The following PXDNL variants were observed in gnomAD, a reference collection of about 807,000 sequenced individuals.
PXDNL encodes probable oxidoreductase PXDNL.
A neutral mutation model predicts 150.8 loss-of-function variants in PXDNL; 145 were observed. That is an observed-to-expected ratio of 0.96 (90% CI 0.84 to 1.10). The LOEUF is 1.10. PXDNL is among the 50% of genes least tolerant of loss of function. PXDNL has a pLI of 0.00. For synonymous variants in PXDNL, 757 were observed against 725.7 expected (o/e 1.04, Z -0.69); for missense variants, 2,087 against 1,873.9 (o/e 1.11, Z -2.10).
At chr8:51,404,954 G>A (rs1244078309) in intron 17 of PXDNL, among the ~76,000 whole-genome samples, 1 of 152,208 alleles carries the variant, frequency 6.6e-6, no homozygotes, top group Admixed American at 6.5e-5. Flanking sequence ...TGGGCTGCAG[G>A]TCCGAGTCCT....
At chr8:51,492,523 C>G (rs1810919614) in intron 5 of PXDNL, among the ~76,000 whole-genome samples, 1 of 152,170 alleles carries the variant, frequency 6.6e-6, no homozygotes, top group Admixed American at 6.5e-5. Context: ...CAGGGAATTC[C>G]CTTTCCTAGT....
At chr8:51,772,819 A>G (rs918106259) in intron 1 of PXDNL, among the ~76,000 whole-genome samples, 1 of 152,224 alleles carries the variant, frequency 6.6e-6, no homozygotes, top group Non-Finnish European at 1.5e-5. Context: ...CAGGGAACCA[A>G]CTACAGGGAG....
intron 1 of PXDNL, among the ~76,000 whole-genome samples, chr8:51,746,210 A>G (rs962761164): frequency 6.6e-6 from 1 of 152,182 alleles, no homozygotes; most frequent in Non-Finnish European, 1.5e-5. Context: ...CTCAAGGGAC[A>G]ATGCCAAAAT....
chr8:51,696,215 A>G (rs1816120959), intron 1 of PXDNL, among the ~76,000 whole-genome samples: 1 of 152,140 alleles, frequency 6.6e-6, no homozygotes, highest in African/African-American at 2.4e-5. Context: ...CTAAACCCCC[A>G]TCTGACTGCA....
chr8:51,366,719 A>C (rs1586039208), intron 19 of PXDNL, among the ~76,000 whole-genome samples: 1 of 152,222 alleles, frequency 6.6e-6, no homozygotes, highest in Non-Finnish European at 1.5e-5. Flanking sequence ...TGGGCAGTGC[A>C]CAGGGAGAAG....
intron 5 of PXDNL, among the ~76,000 whole-genome samples, chr8:51,499,429 C>T (rs1327896844): frequency 1.3e-5 from 2 of 152,196 alleles, no homozygotes; most frequent in Admixed American, 6.5e-5. Flanking sequence ...CCTTGCCTGA[C>T]CCCTGATGTA....
At chr8:51,569,292 A>G (rs1267227523) in intron 3 of PXDNL, among the ~76,000 whole-genome samples, 1 of 151,992 alleles carries the variant, frequency 6.6e-6, no homozygotes. Context: ...AATATGTAAT[A>G]TGCGAATTTC....
At chr8:51,417,700 A>G (rs1808834858) in intron 14 of PXDNL, among the ~76,000 whole-genome samples, 1 of 152,162 alleles carries the variant, frequency 6.6e-6, no homozygotes, top group Admixed American at 6.5e-5. Context: ...GTCTTTCCCT[A>G]TAAAGAGTGA....
At chr8:51,678,216 AC>A (rs1197271859) in intron 1 of PXDNL, among the ~76,000 whole-genome samples, 3 of 152,168 alleles carry the variant, frequency 2.0e-5, no homozygotes, top group Non-Finnish European at 2.9e-5. Context: ...CAAGAACCAA[AC>A]TTGAAGGAGA....
intron 1 of PXDNL, among the ~76,000 whole-genome samples, chr8:51,759,443 A>T (rs1353072875): frequency 6.6e-6 from 1 of 151,882 alleles, no homozygotes; most frequent in African/African-American, 2.4e-5. Context: ...GTATTTAATC[A>T]TTTTCTCTTG....
chr8:51,681,055 C>G (rs1303380375), intron 1 of PXDNL, among the ~76,000 whole-genome samples: 3 of 152,050 alleles, frequency 2.0e-5, no homozygotes, highest in Non-Finnish European at 4.4e-5. Context: ...ACCCCCAGAG[C>G]CAGAAGGGGA....
At chr8:51,722,166 T>C (rs187639209) in intron 1 of PXDNL, 1 of 158,682 alleles carries the variant, frequency 6.3e-6, no homozygotes, top group Non-Finnish European at 1.4e-5. Context: ...TGCTTTCAAA[T>C]TGTTGGAGAG....
chr8:51,740,497 C>T (rs555624886), intron 1 of PXDNL, among the ~76,000 whole-genome samples: 1 of 152,246 alleles, frequency 6.6e-6, no homozygotes, highest in East Asian at 1.9e-4. Flanking sequence ...GCATCTGTTG[C>T]TTCTTGACTT....
Position 51,399,225 on chromosome 8 carries a change from G to C in PXDNL, c.3557+8842C>G, listed in dbSNP as rs141341779. Among the ~76,000 whole-genome samples the C allele has an allele frequency of 8.5e-5, 13 of 152,282 alleles. No individual in the cohort carries two copies. The East Asian group carries it at 2.3e-3, about 27-fold the overall frequency. On this transcript the variant is annotated intron_variant, in intron 17 of 22. Transcript: ENST00000356297. ...TACTAAGTGACCTAGAAATTATACT[G>C]TTAGGTTTTTTATTCAAGAAAAATG...
intron 14 of PXDNL, among the ~76,000 whole-genome samples, chr8:51,417,831 G>A (rs2129683237): frequency 6.6e-6 from 1 of 152,250 alleles, no homozygotes; most frequent in South Asian, 2.1e-4. Flanking sequence ...CAGAGAATCT[G>A]TCTTACTCAT....
chr8:51,636,574 A>G (rs949153733), intron 2 of PXDNL, among the ~76,000 whole-genome samples: 2 of 152,222 alleles, frequency 1.3e-5, no homozygotes, highest in Non-Finnish European at 2.9e-5. Flanking sequence ...AAGAAAATTA[A>G]GAAAACAATT....
intron 14 of PXDNL, among the ~76,000 whole-genome samples, chr8:51,416,936 A>C (rs1336785701): frequency 6.6e-6 from 1 of 152,224 alleles, no homozygotes; most frequent in African/African-American, 2.4e-5. Context: ...TTTTAAGTTT[A>C]TGTGGTTTAA....
chr8:51,567,680 T>C (rs1812855908), intron 3 of PXDNL, among the ~76,000 whole-genome samples: 2 of 151,786 alleles, frequency 1.3e-5, no homozygotes. Flanking sequence ...TCATGGGTAG[T>C]GCTGGTACCT....
chr8:51,659,115 T>C (rs1675980957), intron 1 of PXDNL, among the ~76,000 whole-genome samples: 1 of 152,222 alleles, frequency 6.6e-6, no homozygotes, highest in South Asian at 2.1e-4. Flanking sequence ...TTTTTACTCC[T>C]TACACAGAGT....
Sources: allele counts gnomAD v4.1 joint callset (sites outside exome capture counted in the v4.1 genomes callset), GRCh38; gene constraint gnomAD v4.1.1; transcripts MANE v1.5; gene names NCBI Gene and HGNC (gene_info 2026-07-23, HGNC 2026-07-21).